COP1: variants seen among roughly 807,000 people sequenced by gnomAD.
COP1 encodes the protein E3 ubiquitin-protein ligase COP1.
A neutral mutation model predicts 101.3 loss-of-function variants in COP1; 24 were observed. That is an observed-to-expected ratio of 0.24 (90% CI 0.17 to 0.33). The LOEUF (loss-of-function observed/expected upper bound fraction) is 0.33. COP1 is among the 10% of genes least tolerant of loss of function. The probability of loss-of-function intolerance (pLI) is 1.00; values close to 1 mark genes in which losing one functional copy is unlikely to be tolerated. For synonymous variants in COP1, 347 were observed against 341.9 expected, an observed-to-expected ratio of 1.01 and a Z score of -0.17; for missense variants, 663 against 906.2, an observed-to-expected ratio of 0.73 and a Z score of 3.45.
chr1:175,954,227 A>G (rs1233501396), intron 18 of COP1, among the ~76,000 whole-genome samples: 3 of 152,196 alleles, frequency 2.0e-5, no homozygotes, highest in Non-Finnish European at 4.4e-5. Context: ...ATTTTGAACT[A>G]AAAGATAATA....
intron 15 of COP1, among the ~76,000 whole-genome samples, chr1:176,000,728 G>GC: frequency 6.6e-6 from 1 of 150,624 alleles, no homozygotes; most frequent in East Asian, 1.9e-4. Context: ...ATGCAATGTT[G>GC]CTTTTTTTTT....
chr1:175,989,716 G>GA (rs1383311038), intron 15 of COP1, among the ~76,000 whole-genome samples: 2 of 151,878 alleles, frequency 1.3e-5, no homozygotes, highest in African/African-American at 2.4e-5. Flanking sequence ...ATGATGTCAT[G>GA]AAAAAAATGT....
chr1:176,106,659 T>G lies in COP1; in HGVS notation c.1026+9965A>C, dbSNP rs115914269. Among the ~76,000 whole-genome samples the G allele has an allele frequency of 9.2e-3, 1,408 of 152,256 alleles. 24 individuals carry two copies. The highest frequency in any genetic ancestry group is 0.032 in the African/African-American group (1,338 of 41,536). ...AGCTTCAATTCCCTATTATTTCATC[T>G]CCTACCTAACCAATCAGGCACTCCT... On this transcript the variant is annotated intron_variant, in intron 9 of 19. Transcript: ENST00000367669.
At chr1:176,100,551 G>A (rs1240619193) in intron 9 of COP1, among the ~76,000 whole-genome samples, 1 of 152,040 alleles carries the variant, frequency 6.6e-6, no homozygotes, top group African/African-American at 2.4e-5. Context: ...GTTTCCAGCT[G>A]CAGCTCAGAA....
intron 14 of COP1, among the ~76,000 whole-genome samples, chr1:176,028,527 C>CA (rs35574875): frequency 4.3e-3 from 396 of 91,968 alleles, no homozygotes; most frequent in East Asian, 0.028. Flanking sequence ...ATCATGCCAC[C>CA]AAAAAAAAAA....
intron 18 of COP1, among the ~76,000 whole-genome samples, chr1:175,951,535 T>A (rs897257260): frequency 1.4e-5 from 2 of 147,496 alleles, no homozygotes; most frequent in Non-Finnish European, 1.5e-5. Context: ...ACTGGAAAAC[T>A]GAAAAAAATA....
intron 15 of COP1, among the ~76,000 whole-genome samples, chr1:175,999,188 A>G (rs978581385): frequency 6.6e-6 from 1 of 152,100 alleles, no homozygotes; most frequent in Admixed American, 6.6e-5. Flanking sequence ...ATGCTACCAA[A>G]TACTAGGTCT....
chr1:175,955,899 T>A (rs529046689), intron 18 of COP1, among the ~76,000 whole-genome samples: 2 of 151,892 alleles, frequency 1.3e-5, no homozygotes, highest in African/African-American at 4.8e-5. Flanking sequence ...AGAGACTCAA[T>A]AGTGTCACAA....
At chr1:176,142,866 A>G (rs1250065867) in intron 6 of COP1, among the ~76,000 whole-genome samples, 1 of 151,994 alleles carries the variant, frequency 6.6e-6, no homozygotes, top group East Asian at 1.9e-4. Flanking sequence ...GTACAGATTA[A>G]AAAATAAGAA....
chr1:175,963,233 G>A (rs563629545), intron 18 of COP1, among the ~76,000 whole-genome samples: 1 of 152,066 alleles, frequency 6.6e-6, no homozygotes, highest in Non-Finnish European at 1.5e-5. Context: ...GCCTACAGAA[G>A]AAGGTCTAAA....
At chr1:176,029,867 AT>A (rs1446197830) in intron 14 of COP1, among the ~76,000 whole-genome samples, 1 of 152,246 alleles carries the variant, frequency 6.6e-6, no homozygotes, top group Non-Finnish European at 1.5e-5. Flanking sequence ...ATCAAAAAAT[AT>A]TGCTAATTTA....
intron 18 of COP1, among the ~76,000 whole-genome samples, chr1:175,948,100 T>G (rs1409844283): frequency 6.6e-6 from 1 of 152,232 alleles, no homozygotes; most frequent in Admixed American, 6.5e-5. Context: ...TTTAATAACC[T>G]TGGTAATTAC....
chr1:175,993,074 C>T (rs1187129600), intron 15 of COP1, among the ~76,000 whole-genome samples: 2 of 152,162 alleles, frequency 1.3e-5, no homozygotes, highest in Admixed American at 6.5e-5. Flanking sequence ...GAGAACAGGA[C>T]TTGCGGTTCA....
At chr1:176,099,713 A>G (rs1253743533) in intron 9 of COP1, among the ~76,000 whole-genome samples, 2 of 152,204 alleles carry the variant, frequency 1.3e-5, no homozygotes, top group Non-Finnish European at 2.9e-5. Flanking sequence ...TAAGGAGTCA[A>G]GCTCGACTTG....
intron 11 of COP1, among the ~76,000 whole-genome samples, chr1:176,056,355 C>T (rs1673482360): frequency 6.6e-6 from 1 of 152,148 alleles, no homozygotes; most frequent in Non-Finnish European, 1.5e-5. Flanking sequence ...TGCACTTAAT[C>T]TGTCATGGAC....
intron 15 of COP1, among the ~76,000 whole-genome samples, chr1:175,990,912 T>C (rs1219800714): frequency 6.6e-6 from 1 of 152,044 alleles, no homozygotes; most frequent in Non-Finnish European, 1.5e-5. Flanking sequence ...TCTAATTTTT[T>C]TTTTTTTGTA....
At chr1:175,979,487 T>C (rs866658009) in intron 18 of COP1, among the ~76,000 whole-genome samples, 13 of 112,958 alleles carry the variant, frequency 1.2e-4, no homozygotes, top group Admixed American at 2.0e-4. Flanking sequence ...ATTTGGAAAG[T>C]AGATATGCCT....
At chr1:176,165,742 G>A (rs1000403400) in intron 3 of COP1, among the ~76,000 whole-genome samples, 39 of 151,906 alleles carry the variant, frequency 2.6e-4, no homozygotes, top group African/African-American at 8.5e-4. Flanking sequence ...CTAAAACAAG[G>A]GTCAGAGTGA....
At chr1:175,963,647 T>G (rs1472127224) in intron 18 of COP1, among the ~76,000 whole-genome samples, 2 of 152,184 alleles carry the variant, frequency 1.3e-5, no homozygotes, top group Non-Finnish European at 2.9e-5. Context: ...TGTTTGTTTA[T>G]GGTCTTTTGT....
Sources: gnomAD v4.1 joint callset for allele counts (sites outside exome capture counted in the v4.1 genomes callset) on GRCh38, gnomAD v4.1.1 for gene constraint, MANE v1.5 for transcripts, NCBI Gene and HGNC (gene_info 2026-07-23, HGNC 2026-07-21) for gene names.